TENM1: variants seen among roughly 807,000 people sequenced by gnomAD.
The protein encoded by TENM1 is teneurin-1.
TENM1 carries 35 observed loss-of-function variants against 174.8 expected under a neutral mutation model. That is an observed-to-expected ratio of 0.20 (90% CI 0.15 to 0.27). The LOEUF (loss-of-function observed/expected upper bound fraction) is 0.27. TENM1 is among the 10% of genes least tolerant of loss of function. The probability of loss-of-function intolerance (pLI) is 1.00; values close to 1 mark genes in which losing one functional copy is unlikely to be tolerated. For synonymous variants in TENM1, 781 were observed against 798.7 expected (o/e 0.98, Z 0.37); for missense variants, 1,633 against 2,130.1 (o/e 0.77, Z 4.59).
intron 23 of TENM1, among the ~76,000 whole-genome samples, chrX:124,432,080 G>A (rs887764061): frequency 1.3e-4 from 15 of 112,008 alleles, no homozygotes; most frequent in Non-Finnish European, 2.4e-4. Flanking sequence ...ACAAAGCAAA[G>A]CAAAACCAAA....
chrX:124,702,340 A>C (rs2052795439), intron 5 of TENM1, among the ~76,000 whole-genome samples: 1 of 111,605 alleles, frequency 9.0e-6, no homozygotes, highest in African/African-American at 3.3e-5. Context: ...TGACTTATCC[A>C]GTCACATAAT....
intron 21 of TENM1, among the ~76,000 whole-genome samples, chrX:124,482,922 T>G (rs2046875878): frequency 8.9e-6 from 1 of 112,339 alleles, no homozygotes; most frequent in Non-Finnish European, 1.9e-5. Context: ...ATCCCTCTTT[T>G]GCTCTCCACA....
At chrX:124,416,903 T>G (rs1322283632) in intron 25 of TENM1, among the ~76,000 whole-genome samples, 3 of 111,646 alleles carry the variant, frequency 2.7e-5, no homozygotes, top group African/African-American at 9.8e-5. Flanking sequence ...CTAGGTCCCT[T>G]TTCACTGTCC....
intron 3 of TENM1, among the ~76,000 whole-genome samples, chrX:124,882,611 T>G: frequency 8.9e-6 from 1 of 112,449 alleles, no homozygotes; most frequent in Non-Finnish European, 1.9e-5. Flanking sequence ...CTAAAGTGAT[T>G]GCTTTATCAT....
chrX:124,857,224 G>A (rs187070931), intron 3 of TENM1, among the ~76,000 whole-genome samples: 311 of 110,258 alleles, frequency 2.8e-3, no homozygotes, highest in Non-Finnish European at 4.4e-3. Context: ...AATTATCAGC[G>A]GGGAAAAATA....
chrX:124,450,044 A>G (rs2061012036), intron 23 of TENM1, among the ~76,000 whole-genome samples: 1 of 110,714 alleles, frequency 9.0e-6, no homozygotes, highest in South Asian at 3.9e-4. Flanking sequence ...CAATTCCCAC[A>G]GGTCGTGGGA....
chrX:125,190,635 C>T, the TENM1 span, among the ~76,000 whole-genome samples: 1 of 111,464 alleles, frequency 9.0e-6, no homozygotes, highest in Non-Finnish European at 1.9e-5. Flanking sequence ...GCATATTCCT[C>T]TCCCTCCAGC....
intron 23 of TENM1, among the ~76,000 whole-genome samples, chrX:124,452,604 A>G (rs1367719455): frequency 1.8e-5 from 2 of 111,302 alleles, no homozygotes; most frequent in Non-Finnish European, 3.8e-5. Context: ...ACAATAGCAA[A>G]GACCTGGAAC....
intron 3 of TENM1, among the ~76,000 whole-genome samples, chrX:124,865,669 A>G (rs1038778583): frequency 3.6e-5 from 4 of 111,845 alleles, no homozygotes; most frequent in Non-Finnish European, 5.7e-5. Flanking sequence ...TTACTTATCA[A>G]TAATAACTGA....
intron 25 of TENM1, among the ~76,000 whole-genome samples, chrX:124,419,320 T>C (rs1344193537): frequency 8.9e-6 from 1 of 112,006 alleles, no homozygotes; most frequent in African/African-American, 3.2e-5. Flanking sequence ...CCTCCCAAAA[T>C]AGTCACACTT....
intron 15 of TENM1, among the ~76,000 whole-genome samples, chrX:124,537,648 C>G (rs191876519): frequency 8.9e-6 from 1 of 111,939 alleles, no homozygotes; most frequent in Non-Finnish European, 1.9e-5. Context: ...TGAGCACTTC[C>G]TATGTGGAGT....
At chrX:124,646,365 A>G (rs73558386) in intron 9 of TENM1, among the ~76,000 whole-genome samples, 1,436 of 112,526 alleles carry the variant, frequency 0.013, 24 homozygotes, top group African/African-American at 0.044. Context: ...CAAGCATCAC[A>G]TAGTGACTGG....
chrX:124,663,849 A>G (rs1238867081), intron 6 of TENM1, among the ~76,000 whole-genome samples: 1 of 111,061 alleles, frequency 9.0e-6, no homozygotes, highest in Non-Finnish European at 1.9e-5. Context: ...AATTTTTAAT[A>G]CAATAAATAA....
intron 3 of TENM1, among the ~76,000 whole-genome samples, chrX:124,835,471 G>A (rs2056373116): frequency 8.9e-6 from 1 of 111,821 alleles, no homozygotes; most frequent in Admixed American, 9.5e-5. Context: ...TAGAATCCTT[G>A]CTGTATTCAT....
chrX:124,438,417 G>A (rs999018309), intron 23 of TENM1, among the ~76,000 whole-genome samples: 1 of 110,678 alleles, frequency 9.0e-6, no homozygotes, highest in Non-Finnish European at 1.9e-5. Flanking sequence ...TTCACCTCAG[G>A]TCATGGCACC....
intron 11 of TENM1, among the ~76,000 whole-genome samples, chrX:124,573,635 G>A (rs994399449): frequency 6.3e-5 from 7 of 111,720 alleles, no homozygotes; most frequent in Non-Finnish European, 9.4e-5. Flanking sequence ...ACCACGAGTC[G>A]GATAGGATTC....
At chrX:125,054,708 T>C in the TENM1 span, among the ~76,000 whole-genome samples, 1 of 111,791 alleles carries the variant, frequency 8.9e-6, no homozygotes, top group Non-Finnish European at 1.9e-5. Flanking sequence ...TTTGTTTCTT[T>C]ATTCAACACT....
chrX:124,602,455 T>G (rs1020869172), intron 11 of TENM1, among the ~76,000 whole-genome samples: 1 of 111,146 alleles, frequency 9.0e-6, no homozygotes, highest in Non-Finnish European at 1.9e-5. Context: ...AATGAGCTAA[T>G]GAAGCTTTGT....
Position 124,582,890 on chromosome X carries a change from C to A in TENM1, c.2078-17330G>T, listed in dbSNP as rs55641217. ...CACACCAGGAGATTATATCCCGCAC[C>A]TGGCTTCGAGGGTCCTACGCCCACG... On this transcript the variant is annotated intron_variant, in intron 11 of 31. Coordinates refer to ENST00000422452, the Ensembl canonical transcript of TENM1. Among the ~76,000 whole-genome samples the A allele has an allele frequency of 5.0e-3, 561 of 112,531 alleles. 3 individuals carry two copies. The highest frequency in any genetic ancestry group is 0.012 in the African/African-American group (365 of 31,021).
Sources: allele counts gnomAD v4.1 joint callset (sites outside exome capture counted in the v4.1 genomes callset), GRCh38; gene constraint gnomAD v4.1.1; transcripts MANE v1.5; gene names NCBI Gene and HGNC (gene_info 2026-07-23, HGNC 2026-07-21).